SNAPC4: variants seen among roughly 807,000 people sequenced by gnomAD.
The protein encoded by SNAPC4 is snRNA-activating protein complex subunit 4.
In SNAPC4, 127 loss-of-function variants were observed where a neutral mutation model predicts 151.3. The observed-to-expected ratio is 0.84, with a 90% CI of 0.73 to 0.97. The LOEUF (loss-of-function observed/expected upper bound fraction) is 0.97. Ranked by LOEUF, SNAPC4 falls within the 50% of genes least tolerant of loss-of-function variation. The pLI is 0.00. For synonymous variants in SNAPC4, 1,002 were observed against 824.4 expected, an observed-to-expected ratio of 1.22 and a Z score of -3.69; for missense variants, 2,186 against 1,935.0, an observed-to-expected ratio of 1.13 and a Z score of -2.43.
intron 13 of SNAPC4, among the ~76,000 whole-genome samples, chr9:136,385,562 C>A (rs140308082): frequency 1.2e-4 from 13 of 111,286 alleles, no homozygotes; most frequent in African/African-American, 2.6e-4. Context: ...ACTCCCCCCC[C>A]TTTTGTTTTT....
chr9:136,387,590 G>C lies in SNAPC4; in HGVS notation c.1231-11C>G. The C allele has an allele frequency of 6.2e-7, 1 of 1,602,856 alleles. No individual in the cohort carries two copies. Among genetic ancestry groups the C allele is most frequent in the Non-Finnish European group, 8.5e-7 (1 of 1,169,878 alleles). On this transcript the variant is annotated splice_polypyrimidine_tract_variant and intron_variant, in intron 12 of 23. Coordinates refer to ENST00000684778, the MANE Select transcript of SNAPC4 (RefSeq NM_003086.4). ...AGCTTGAAGCAACTTCTGCAGGAAG[G>C]GACAGGCAGACAAGTGAAGCCTCTG...
In SNAPC4 at chr9:136,379,875, A is replaced by G. The variant is rs775207905; in HGVS notation, c.2500-11T>C. 5.6e-6 allele frequency: 9 copies of G among 1,612,136 alleles called. No individual in the cohort carries two copies. The Admixed American group carries it at 1.5e-4, about 27-fold the overall frequency. ...GGCACTTGAGGATGCCTGGAAATGA[A>G]AGAGAGGAGAGTCAGCAGCTCAGGT... On this transcript the variant is annotated splice_polypyrimidine_tract_variant and intron_variant, in intron 20 of 23. Transcript: ENST00000684778.
chr9:136,387,651 T>C, intron 12 of SNAPC4, 72 bp from the exon 13 acceptor site: 3 of 1,402,578 alleles, frequency 2.1e-6, no homozygotes. Context: ...CTGAACCCAG[T>C]CAGAGAAGGG....
rs140534033 is a variant in SNAPC4, at chr9:136,389,686, G to A, written c.976-1095C>T. 1.1e-4 allele frequency among the ~76,000 whole-genome samples: 16 copies of A among 152,326 alleles called. No homozygotes were observed. In the East Asian group the frequency reaches 1.9e-3, roughly 18 times the overall value. ...TCAAGCTGGCGCTTCCCAACCAGTG[G>A]AAAGAGAGACCCTTCTCACACCCAT... On this transcript the variant is annotated intron_variant, in intron 10 of 23. Coordinates refer to ENST00000684778, the MANE Select transcript of SNAPC4 (RefSeq NM_003086.4).
intron 9 of SNAPC4, 71 bp from the exon 10 acceptor site, chr9:136,392,177 G>A: frequency 1.3e-6 from 2 of 1,575,708 alleles, no homozygotes; most frequent in Non-Finnish European, 1.7e-6. Flanking sequence ...GCTCCAGGCT[G>A]AGCTGTTGCT....
rs113011500 is a variant in SNAPC4 at position 136,377,565 on chromosome 9, G to A, written c.4262C>T (p.Thr1421Met). ...TACCTGAATGGGGCATGTGGCTGTC[G>A]TGCAGCCCGGCTGCCCGTCCCTGTC... ...LADRDGQPGCTTATCPIQGAP... is the reference protein window; with the variant it reads ...LADRDGQPGCMTATCPIQGAP... The change falls in exon 22 of 24, where the codon ACG (threonine) becomes ATG (methionine). Residue 1421 changes from threonine (T) to methionine (M), a missense_variant. Physicochemically the swap from Thr to Met is moderately conservative, Grantham distance 81 (BLOSUM62 -1). Transcript: ENST00000684778. 5.9e-4 allele frequency: 892 copies of A among 1,519,158 alleles called. 2 individuals carry two copies. The African/African-American group carries it at 0.01, about 17-fold the overall frequency. The allele number at this position is 1,519,158 out of a possible 1,614,324, so 94.1% of individuals were successfully genotyped here.
chr9:136,395,819 C>A (rs1272269240), intron 3 of SNAPC4, 49 bp from the exon 4 acceptor site: 1 of 1,557,306 alleles, frequency 6.4e-7, no homozygotes, highest in East Asian at 2.3e-5. Flanking sequence ...CGTGGATGCT[C>A]CCCTGTCCTC....
At position 136,383,695 on chromosome 9, in the gene SNAPC4, G is replaced by A. The variant is rs766447652; in HGVS notation, c.1501-27C>T. 2.5e-6 allele frequency: 4 copies of A among 1,577,406 alleles called. No homozygotes were observed. Among genetic ancestry groups the A allele is most frequent in the African/African-American group, 2.7e-5 (2 of 74,500 alleles). On this transcript the variant is annotated intron_variant, in intron 15 of 23. Transcript: ENST00000684778. This position sits in a 1 kb window ranked among gnomAD's most constrained non-coding sequence, Gnocchi z 4.2. ...TGAGGGGAGGAAAGAGCTACTTAGA[G>A]GCCTTGGCAAGCCCGGTTCACCCAT...
In SNAPC4 at chr9:136,383,525, C is replaced by G; in HGVS notation, c.1644G>C (p.Glu548Asp). 1 of 1,593,896 alleles carries G rather than the reference C, an allele frequency of 6.3e-7. No individual in the cohort carries two copies. The highest frequency in any genetic ancestry group is 1.1e-5 in the South Asian group (1 of 89,206). Residue 548 changes from glutamate (E) to aspartate (D), a missense_variant, in exon 16 of 24, where the codon GAG becomes GAC. By Grantham distance (45) the Glu-to-Asp change is conservative. Coordinates refer to ENST00000684778, the MANE Select transcript of SNAPC4 (RefSeq NM_003086.4). The surrounding 1 kb of genome is among the most constrained non-coding windows in gnomAD (Gnocchi z 4.2). ...TGTCACCCTCCCCGGCCTGCGCCTG[C>G]TCTGGCTCGTCCTCCTCGCTGCTGC... is the stretch of plus-strand genomic sequence containing the variant. ...SSSSSEEDEP[E>D]QAQAGEGDRA...
At chr9:136,377,502 G>A (rs530069627) in intron 22 of SNAPC4, 41 bp downstream of exon 22, 32 of 1,494,790 alleles carry the variant, frequency 2.1e-5, no homozygotes, top group Middle Eastern at 1.8e-4. Flanking sequence ...CCCAGGGACC[G>A]CCGCCTGCCA....
Position 136,395,588 on chromosome 9 carries a change from C to A in SNAPC4, c.345+15G>T. 2 of 1,604,530 alleles carry A rather than the reference C, an allele frequency of 1.2e-6. No homozygotes were observed. Among genetic ancestry groups the A allele is most frequent in the South Asian group, 1.1e-5 (1 of 90,606 alleles). ...TGGGGAGGTGTGGGCACCGGGGGGC[C>A]GAGGCCCATCCCACCTGCTGCTCCC... On this transcript the variant is annotated intron_variant, in intron 4 of 23. Coordinates refer to ENST00000684778, the MANE Select transcript of SNAPC4 (RefSeq NM_003086.4).
chr9:136,386,809 G>A (rs533579065), intron 13 of SNAPC4, among the ~76,000 whole-genome samples: 1 of 150,448 alleles, frequency 6.6e-6, no homozygotes, highest in African/African-American at 2.5e-5. Context: ...CTGGAGTGCT[G>A]TGGCGTGATC....
Position 136,377,984 on chromosome 9 carries a change from G to C in SNAPC4, c.3843C>G (p.Ala1281=), listed in dbSNP as rs1276416840. Residue 1281 remains alanine (A), a synonymous_variant, in exon 22 of 24, where the codon GCC becomes GCG. Transcript: ENST00000684778. The part of the protein sequence containing the change: ...LGLLSQEGEA[A]TQQWLGGQRG... Reference sequence around the variant, plus strand: ...GCTGGCCCCCCAGCCACTGCTGTGTGGCCGCCTCGCCCTCCTGGGACAGCA... The same window carrying C: ...GCTGGCCCCCCAGCCACTGCTGTGTCGCCGCCTCGCCCTCCTGGGACAGCA... 6.2e-7 allele frequency: 1 copy of C among 1,603,448 alleles called. No individual in the cohort carries two copies. Among genetic ancestry groups the C allele is most frequent in the East Asian group, 2.2e-5 (1 of 44,654 alleles).
rs887945041 is a variant in SNAPC4, at chr9:136,379,758, A to AGCCAGGGCCAGGTTAGGCCTCTTCCCC, written c.2527+52_2527+78dup. On this transcript the variant is annotated intron_variant, in intron 21 of 23. Transcript: ENST00000684778. ...GTGCTGCTTGGGGGCTGTGGGTGAA[A>AGCCAGGGCCAGGTTAGGCCTCTTCCCC]GCCAGGGCCAGGTTAGGCCTCTTCC... The AGCCAGGGCCAGGTTAGGCCTCTTCCCC allele has an allele frequency of 9.5e-6, 13 of 1,367,762 alleles. No homozygotes were observed. The South Asian group carries it at 1.6e-4, about 16-fold the overall frequency. The allele number at this position is 1,367,762 out of a possible 1,614,324, so 84.7% of individuals were successfully genotyped here.
chr9:136,396,909 C>T (rs1834293431), intron 3 of SNAPC4, 68 bp downstream of exon 3: 1 of 1,297,298 alleles, frequency 7.7e-7, no homozygotes, highest in Non-Finnish European at 1.1e-6. Flanking sequence ...CACGCCCCCT[C>T]CCAGGCTACT....
chr9:136,376,784 C>A (rs1001301927), intron 22 of SNAPC4, among the ~76,000 whole-genome samples: 2 of 152,222 alleles, frequency 1.3e-5, no homozygotes, highest in Admixed American at 6.5e-5. Flanking sequence ...AGGGCCTCTT[C>A]CCCTGGCTGG....
intron 13 of SNAPC4, among the ~76,000 whole-genome samples, chr9:136,385,307 C>T (rs1267465591): frequency 1.3e-5 from 2 of 152,150 alleles, no homozygotes; most frequent in Non-Finnish European, 2.9e-5. Context: ...TGTGGAAAAC[C>T]GGAGCCCTCA....
At chr9:136,399,667 C>G (rs940659131) in intron 1 of SNAPC4, among the ~76,000 whole-genome samples, 2 of 152,200 alleles carry the variant, frequency 1.3e-5, no homozygotes, top group African/African-American at 4.8e-5. Flanking sequence ...CCAGCCCCAG[C>G]TGCGGGGACG....
rs1833559335 is a variant in SNAPC4, at chr9:136,378,569, G to A, written c.3258C>T (p.Leu1086=). 2 of 1,591,616 alleles carry A rather than the reference G, an allele frequency of 1.3e-6. No individual in the cohort carries two copies. The highest frequency in any genetic ancestry group is 1.7e-6 in the Non-Finnish European group (2 of 1,172,334). Residue 1086 remains leucine (L), a synonymous_variant, in exon 22 of 24, where the codon CTC becomes CTT. Coordinates refer to ENST00000684778, the MANE Select transcript of SNAPC4 (RefSeq NM_003086.4). ...TCACCACAGCTGGTACAGGAACAGG[G>A]AGAAGCCCCTGGGCTGTGAGCACCC... ...VTWVLTAQGL[L]PVPVPAVVSL...
Sources: gnomAD v4.1 joint callset for allele counts (sites outside exome capture counted in the v4.1 genomes callset) on GRCh38, gnomAD v4.1.1 for gene constraint, Gnocchi (gnomAD v3.1) non-coding constraint, MANE v1.5 for transcripts, NCBI Gene and HGNC (gene_info 2026-07-23, HGNC 2026-07-21) for gene names.